RPL15: variants seen among roughly 807,000 people sequenced by gnomAD.
The protein encoded by RPL15 is ribosomal protein L15, also known as large ribosomal subunit protein eL15.
For synonymous variants in RPL15, 97 were observed against 95.1 expected, an observed-to-expected ratio of 1.02 and a Z score of -0.12; for missense variants, 161 against 271.8, an observed-to-expected ratio of 0.59 and a Z score of 2.87.
At chr3:23,917,387 G>C (rs981164164) in intron 1 of RPL15, 8 of 153,668 alleles carry the variant, frequency 5.2e-5, no homozygotes, top group Non-Finnish European at 8.7e-5. Context: ...AGCTGGGCCC[G>C]GATCCTGGAG....
upstream of RPL15, chr3:23,916,949 G>GC (rs1378972306): frequency 6.5e-6 from 1 of 152,686 alleles, no homozygotes; most frequent in African/African-American, 2.4e-5. Context: ...AGACGCCCAG[G>GC]CCGCTCAGGC....
chr3:23,917,936 G>A lies in RPL15; in HGVS notation c.77G>A (p.Arg26His), dbSNP rs1704747818. Residue 26 changes from arginine (R) to histidine (H), a missense_variant, in exon 2 of 4, where the codon CGC becomes CAC. Transcript: ENST00000307839. ...SDVMRFLLRV[R>H]CWQYRQLSAL... ...GTCATGCGCTTTCTTCTGAGGGTCC[G>A]CTGCTGGCAGTACCGCCAGCTCTCT... 8 of 1,613,598 alleles carry A rather than the reference G, an allele frequency of 5.0e-6. No individual in the cohort carries two copies. In the East Asian group the frequency reaches 8.9e-5, roughly 18 times the overall value.
downstream of RPL15, chr3:23,922,852 T>G (rs1705135179): frequency 6.6e-6 from 1 of 152,262 alleles, no homozygotes; most frequent in African/African-American, 2.4e-5. The surrounding 1 kb of genome is among the most constrained non-coding windows in gnomAD (Gnocchi z 4.2). Context: ...TTGCCCAGGC[T>G]GGAGTGTAGT....
chr3:23,919,155 C>T, intron 3 of RPL15, 41 bp from the exon 4 acceptor site: 1 of 1,369,476 alleles, frequency 7.3e-7, no homozygotes, highest in African/African-American at 1.4e-5. Context: ...CTGCTATAGG[C>T]AATGTGGGAG....
rs772231304 is a variant in RPL15, at chr3:23,918,043, A to G, written c.172+12A>G. On this transcript the variant is annotated intron_variant, in intron 2 of 3. Transcript: ENST00000307839. ...CAAGGCCAAGCAAGGTACGTGATCG[A>G]CTGCGTGGATGCTTGGATAAAATTA... 1.9e-6 allele frequency: 3 copies of G among 1,602,816 alleles called. No individual in the cohort carries two copies. The highest frequency in any genetic ancestry group is 2.2e-5 in the East Asian group (1 of 44,782).
rs1015092681 is a variant in RPL15, at chr3:23,920,411, T to C, written c.*910T>C. On this transcript the variant is annotated 3_prime_UTR_variant, in exon 4 of 4. Transcript: ENST00000307839. ...CAACCATATGTGTTTTCTGCAGTTA[T>C]TTCTCTTGTTCTGGCCAAACAACCC... 9.1e-6 allele frequency: 9 copies of C among 985,314 alleles called. No homozygotes were observed. The highest frequency in any genetic ancestry group is 5.2e-4 in the Middle Eastern group (1 of 1,936). 61.0% of individuals were successfully genotyped at this position (985,314 alleles called of 1,614,324 possible).
chr3:23,921,617 C>G (rs1429432174), downstream of RPL15: 11 of 534,998 alleles, frequency 2.1e-5, no homozygotes, highest in African/African-American at 1.9e-4. Flanking sequence ...CACTCTCACT[C>G]AGGTGGGAGT....
downstream of RPL15, among the ~76,000 whole-genome samples, chr3:23,924,596 C>T (rs900171903): frequency 6.6e-6 from 1 of 151,994 alleles, no homozygotes; most frequent in African/African-American, 2.4e-5. Flanking sequence ...GGCGGGTTTG[C>T]ACCATGTTTG....
chr3:23,916,734 G>GGAGACGCGGAGACGCA (rs1553644343), upstream of RPL15: 32 of 152,884 alleles, frequency 2.1e-4, 1 homozygote, highest in South Asian at 4.8e-3. Flanking sequence ...GCGGAGACGC[G>GGAGACGCGGAGACGCA]GAGACGCAGA....
At position 23,920,470 on chromosome 3, in the gene RPL15, T is replaced by C. The variant is rs1490820680; in HGVS notation, c.*969T>C. On this transcript the variant is annotated 3_prime_UTR_variant, in exon 4 of 4. Transcript: ENST00000307839. ...CTTACCATTCCACAAAGTTGGACCATCACTTGTGCACCCACTTTGACTATG... is the reference window on the plus strand; with the variant it reads ...CTTACCATTCCACAAAGTTGGACCACCACTTGTGCACCCACTTTGACTATG... 1 of 985,292 alleles carries C rather than the reference T, an allele frequency of 1.0e-6. No homozygotes were observed. The highest frequency in any genetic ancestry group is 1.1e-4 in the East Asian group (1 of 8,832). 61.0% of individuals were successfully genotyped at this position (985,292 alleles called of 1,614,324 possible).
chr3:23,922,098 C>T (rs533606265), downstream of RPL15: 136 of 155,258 alleles, frequency 8.8e-4, 1 homozygote, highest in Middle Eastern at 3.3e-3. The surrounding 1 kb of genome is among the most constrained non-coding windows in gnomAD (Gnocchi z 4.2). Context: ...GGCTTGAGCT[C>T]ATGAGTTAGA....
At chr3:23,921,133 A>AC (rs1705055118), downstream of RPL15, among the ~76,000 whole-genome samples, 1 of 152,120 alleles carries the variant, frequency 6.6e-6, no homozygotes, top group Admixed American at 6.6e-5. Context: ...AGACCTAAAA[A>AC]CAAAAAAAAT....
At chr3:23,916,902 G>A (rs1271016922), upstream of RPL15, 2 of 152,754 alleles carry the variant, frequency 1.3e-5, no homozygotes, top group Admixed American at 6.5e-5. Flanking sequence ...CGCTCGCTTA[G>A]CCGCCGAGAC....
At chr3:23,921,955 C>T (rs1705102491), downstream of RPL15, 1 of 234,574 alleles carries the variant, frequency 4.3e-6, no homozygotes, top group African/African-American at 2.3e-5. Flanking sequence ...GCAATCCTGC[C>T]TTGGCCTCCC....
chr3:23,922,771 C>CTAG (rs1705133057), downstream of RPL15: 1 of 152,144 alleles, frequency 6.6e-6, no homozygotes, highest in Admixed American at 6.5e-5. This position sits in a 1 kb window ranked among gnomAD's most constrained non-coding sequence, Gnocchi z 4.2. Flanking sequence ...CTTCTGCCTC[C>CTAG]TAGTTCCTCT....
rs762863163 is a variant in RPL15, at chr3:23,917,940, C to T, written c.81C>T (p.Cys27=). The change falls in exon 2 of 4, where the codon TGC becomes TGT. Residue 27 remains cysteine (C), a synonymous_variant. Transcript: ENST00000307839. ...DVMRFLLRVR[C]WQYRQLSALH... ...TGCGCTTTCTTCTGAGGGTCCGCTG[C>T]TGGCAGTACCGCCAGCTCTCTGCTC... 4 of 1,613,806 alleles carry T rather than the reference C, an allele frequency of 2.5e-6. No homozygotes were observed. In the South Asian group the frequency reaches 3.3e-5, roughly 13 times the overall value.
Position 23,919,596 on chromosome 3 carries a change from G to A in RPL15, c.*95G>A. On this transcript the variant is annotated 3_prime_UTR_variant, in exon 4 of 4. Transcript: ENST00000307839. ...ATTTGTCTGTTAAAACTAGTCTGCA[G>A]ATGTTTCTTGAATGCTTTGTCAAAT... is the stretch of plus-strand genomic sequence containing the variant. 9.8e-6 allele frequency: 14 copies of A among 1,425,362 alleles called. No homozygotes were observed. In the South Asian group the frequency reaches 2.2e-4, roughly 22 times the overall value. The allele number at this position is 1,425,362 out of a possible 1,614,324, so 88.3% of individuals were successfully genotyped here.
At position 23,920,194 on chromosome 3, in the gene RPL15, C is replaced by G; in HGVS notation, c.*693C>G. The G allele has an allele frequency of 1.0e-6, 1 of 985,816 alleles. No individual in the cohort carries two copies. The highest frequency in any genetic ancestry group is 1.2e-6 in the Non-Finnish European group (1 of 829,918). The allele number at this position is 985,816 out of a possible 1,614,324, so 61.1% of individuals were successfully genotyped here. A position where few individuals can be genotyped will look rare whatever the true frequency, so the allele number is the denominator to read the frequency against. ...TAGATAAATACCTTTCAAGTGTGAG[C>G]TTAGACGTCAACCCTAAAATACTTA... On this transcript the variant is annotated 3_prime_UTR_variant, in exon 4 of 4. Coordinates refer to ENST00000307839, the MANE Select transcript of RPL15 (RefSeq NM_002948.5).
Position 23,917,875 on chromosome 3 carries a change from T to C in RPL15, c.16T>C (p.Tyr6His), listed in dbSNP as rs1345458352. Residue 6 changes from tyrosine (Y) to histidine (H), a missense_variant, in exon 2 of 4, where the codon TAC (tyrosine) becomes CAC (histidine). Transcript: ENST00000307839. ...GTAAGCCAAGATGGGTGCATACAAG[T>C]ACATCCAGGAGCTATGGAGAAAGAA... is the stretch of plus-strand genomic sequence containing the variant. MGAYK[Y>H]IQELWRKKQS... is the part of the protein sequence containing the mutation. The C allele has an allele frequency of 6.2e-7, 1 of 1,609,176 alleles. No homozygotes were observed. Among genetic ancestry groups the C allele is most frequent in the African/African-American group, 1.3e-5 (1 of 74,688 alleles).
Sources: gnomAD v4.1 joint callset for allele counts (sites outside exome capture counted in the v4.1 genomes callset) on GRCh38, gnomAD v4.1.1 for gene constraint, Gnocchi (gnomAD v3.1) non-coding constraint, MANE v1.5 for transcripts, NCBI Gene and HGNC (gene_info 2026-07-23, HGNC 2026-07-21) for gene names.